MTFR1: variants seen among roughly 807,000 people sequenced by gnomAD.
The protein encoded by MTFR1 is chondrocyte protein with a poly-proline region.
A neutral mutation model predicts 38.8 loss-of-function variants in MTFR1; 28 were observed. The observed-to-expected ratio is 0.72, with a 90% CI of 0.53 to 0.99. The LOEUF (loss-of-function observed/expected upper bound fraction) is 0.99, where lower values mean the gene tolerates loss of function less well. Ranked by LOEUF, MTFR1 falls within the 50% of genes least tolerant of loss-of-function variation. MTFR1 has a pLI of 0.00. For synonymous variants in MTFR1, 145 were observed against 137.0 expected (o/e 1.06, Z -0.41); for missense variants, 358 against 395.5 (o/e 0.91, Z 0.81).
downstream of MTFR1, among the ~76,000 whole-genome samples, chr8:65,715,371 A>G (rs1266916995): frequency 2.0e-5 from 3 of 151,308 alleles, no homozygotes; most frequent in Non-Finnish European, 4.4e-5. Flanking sequence ...CCCTGTCTCT[A>G]TAAAAAAGTT....
At chr8:65,667,487 G>A (rs891336931) in intron 1 of MTFR1, among the ~76,000 whole-genome samples, 4 of 151,866 alleles carry the variant, frequency 2.6e-5, no homozygotes, top group African/African-American at 9.7e-5. Flanking sequence ...GAGTTCAGTG[G>A]CGTGATCTCA....
chr8:65,722,490 G>T (rs1479898621), intron 3 of MTFR1: 1 of 152,086 alleles, frequency 6.6e-6, no homozygotes, highest in Non-Finnish European at 1.5e-5. Context: ...CTGAACTTTG[G>T]GCACATATTT....
intron 3 of MTFR1, 143 bp from the exon 4 acceptor site, chr8:65,693,501 C>T (rs945766786): frequency 4.8e-6 from 3 of 630,738 alleles, no homozygotes; most frequent in African/African-American, 3.7e-5. Flanking sequence ...GACTATTAAT[C>T]ATGGAGACCT....
rs112635572 is a variant in MTFR1 at position 65,674,261 on chromosome 8, A to C, written c.66+4243A>C. On this transcript the variant is annotated intron_variant, in intron 2 of 7. Transcript: ENST00000262146. The stretch of plus-strand genomic sequence containing the variant: ...TAAATGAATTTGATACTGTGCTTTA[A>C]AGCATTCCAAGAGTGAAAACTACCT... 6.0e-3 allele frequency among the ~76,000 whole-genome samples: 907 copies of C among 152,112 alleles called. 11 individuals carry two copies. Among genetic ancestry groups the C allele is most frequent in the African/African-American group, 0.021 (868 of 41,534 alleles).
chr8:65,710,990 T>TATAGAG (rs920287067), downstream of MTFR1, among the ~76,000 whole-genome samples: 42 of 150,856 alleles, frequency 2.8e-4, no homozygotes, highest in African/African-American at 9.3e-4. Flanking sequence ...TATATATATA[T>TATAGAG]AGAGAGAGAG....
chr8:65,769,247 CAAAAA>C (rs61554087), intron 3 of MTFR1, among the ~76,000 whole-genome samples: 2 of 74,460 alleles, frequency 2.7e-5, no homozygotes, highest in African/African-American at 5.1e-5. Flanking sequence ...GACTCAGTCT[CAAAAA>C]AAAAAAAAAA....
intron 1 of MTFR1, among the ~76,000 whole-genome samples, chr8:65,653,232 AG>A (rs1413308397): frequency 2.6e-4 from 40 of 152,268 alleles, no homozygotes; most frequent in African/African-American, 9.6e-4. Context: ...TTTAAGATCG[AG>A]CACAGTGGCA....
chr8:65,675,604 C>A (rs924525485), intron 2 of MTFR1, among the ~76,000 whole-genome samples: 1 of 152,108 alleles, frequency 6.6e-6, no homozygotes, highest in East Asian at 1.9e-4. Context: ...CTCAAAAAAA[C>A]AAACAAACAA....
chr8:65,733,480 G>T (rs1239499724), intron 3 of MTFR1, among the ~76,000 whole-genome samples: 2 of 152,180 alleles, frequency 1.3e-5, no homozygotes, highest in South Asian at 2.1e-4. Context: ...ATTGGGGTGG[G>T]CAATAGAGTG....
exon 4 of MTFR1, chr8:65,771,022 C>A: frequency 2.6e-6 from 1 of 379,122 alleles, no homozygotes; most frequent in Non-Finnish European, 5.2e-6. Context: ...ATTTATAAGC[C>A]TTAAGAGAAT....
At position 65,710,206 on chromosome 8, in the gene MTFR1, G is replaced by C. The variant is rs1036577663; in HGVS notation, c.*1162G>C. ...TATTTAAATCTAGTAAAAGAAGAAA[G>C]TTGTACTTCCTGGCTGGGAGTATTA... On this transcript the variant is annotated 3_prime_UTR_variant, in exon 8 of 8. Coordinates refer to ENST00000262146, the MANE Select transcript of MTFR1 (RefSeq NM_014637.4). 6.6e-6 allele frequency: 1 copy of C among 152,118 alleles called. No individual in the cohort carries two copies. The highest frequency in any genetic ancestry group is 2.4e-5 in the African/African-American group (1 of 41,430). 9.4% of individuals were successfully genotyped at this position (152,118 alleles called of 1,614,324 possible).
chr8:65,751,702 G>C (rs901853499), intron 3 of MTFR1, among the ~76,000 whole-genome samples: 22 of 152,326 alleles, frequency 1.4e-4, no homozygotes, highest in African/African-American at 4.8e-4. Context: ...ATGTTGGTCA[G>C]GCTGGTCTCG....
intron 3 of MTFR1, among the ~76,000 whole-genome samples, chr8:65,769,226 T>C (rs1428956370): frequency 7.9e-6 from 1 of 127,374 alleles, no homozygotes; most frequent in Non-Finnish European, 1.5e-5. Flanking sequence ...CCAGCCTAGG[T>C]GACAGAGCAA....
intron 3 of MTFR1, among the ~76,000 whole-genome samples, chr8:65,746,897 T>G (rs1807699095): frequency 6.6e-6 from 1 of 151,894 alleles, no homozygotes; most frequent in Admixed American, 6.6e-5. Context: ...ACTTAAAAAC[T>G]TATCTACACA....
At position 65,707,875 on chromosome 8, in the gene MTFR1, A is replaced by T; in HGVS notation, c.797A>T (p.Asp266Val). The change falls in exon 7 of 8, where the codon GAT (aspartate) becomes GTT (valine). Residue 266 changes from aspartate to valine, a missense_variant. Asp to Val is a radical substitution (Grantham distance 152). Transcript: ENST00000262146. The part of the protein sequence containing the change: ...SEQDVKPKPV[D>V]ATDPAALIAE... ...CAAGATGTGAAGCCCAAGCCAGTGGATGCTACTGACCCTGCTGCCCTCATA... is the reference window on the plus strand; with the variant it reads ...CAAGATGTGAAGCCCAAGCCAGTGGTTGCTACTGACCCTGCTGCCCTCATA... 7 of 1,614,166 alleles carry T rather than the reference A, an allele frequency of 4.3e-6. No homozygotes were observed. Among genetic ancestry groups the T allele is most frequent in the Non-Finnish European group, 5.9e-6 (7 of 1,180,022 alleles).
chr8:65,756,749 T>A (rs1189039462), intron 3 of MTFR1, among the ~76,000 whole-genome samples: 1 of 152,166 alleles, frequency 6.6e-6, no homozygotes, highest in Non-Finnish European at 1.5e-5. Context: ...GTGGGCTTCC[T>A]CCGGGGTGGT....
chr8:65,662,042 C>CCT (rs376685702), intron 1 of MTFR1, among the ~76,000 whole-genome samples: 1 of 61,218 alleles, frequency 1.6e-5, no homozygotes, highest in African/African-American at 4.9e-5. Context: ...CCTCTCTCTC[C>CCT]CTCTCTCTCT....
chr8:65,750,474 CTGTG>C lies in MTFR1; in HGVS notation c.*49-20447_*49-20444del, dbSNP rs371620919. Among the ~76,000 whole-genome samples the C allele has an allele frequency of 5.3e-3, 763 of 142,726 alleles. 4 individuals carry two copies. Among genetic ancestry groups the C allele is most frequent in the African/African-American group, 0.018 (700 of 38,184 alleles). The allele number at this position is 142,726 out of a possible 152,430, so 93.6% of individuals were successfully genotyped here. The stretch of plus-strand genomic sequence containing the variant: ...TATGTATATATGTAAATTAGAATCA[CTGTG>C]TGTGTGTGTGTGTGTGTGTGTGTGT... On this transcript the variant is annotated intron_variant, in intron 3 of 3. Transcript: ENST00000521247.
intron 1 of MTFR1, among the ~76,000 whole-genome samples, chr8:65,650,440 G>A (rs1809091272): frequency 6.6e-6 from 1 of 152,078 alleles, no homozygotes; most frequent in African/African-American, 2.4e-5. Context: ...CCAAAGTGCT[G>A]GGATTACAGG....
Sources: allele counts gnomAD v4.1 joint callset (sites outside exome capture counted in the v4.1 genomes callset), GRCh38; gene constraint gnomAD v4.1.1; transcripts MANE v1.5; gene names NCBI Gene and HGNC (gene_info 2026-07-23, HGNC 2026-07-21).